The following PRDM6 variants were observed in gnomAD, a reference collection of about 807,000 sequenced individuals.
PRDM6 encodes the protein putative histone-lysine N-methyltransferase PRDM6.
PRDM6 carries 25 observed loss-of-function variants against 60.8 expected under a neutral mutation model. The ratio of observed to expected loss-of-function variants is 0.41; its 90% CI spans 0.30 to 0.57. The LOEUF is 0.57. Among genes scored for constraint, PRDM6 ranks in the 20% least tolerant of loss-of-function variants. PRDM6 has a pLI of 0.27. For synonymous variants in PRDM6, 407 were observed against 357.4 expected (o/e 1.14, Z -1.57); for missense variants, 839 against 821.3 (o/e 1.02, Z -0.26).
intron 3 of PRDM6, among the ~76,000 whole-genome samples, chr5:123,133,368 CT>C (rs1214409736): frequency 6.6e-6 from 1 of 151,950 alleles, no homozygotes; most frequent in Non-Finnish European, 1.5e-5. Flanking sequence ...TAATCTTTTC[CT>C]TTTGGAATTG....
chr5:123,094,338 T>C (rs1324260357), intron 2 of PRDM6, among the ~76,000 whole-genome samples: 1 of 152,098 alleles, frequency 6.6e-6, no homozygotes, highest in East Asian at 1.9e-4. Context: ...CCTTCTGCCC[T>C]GCGCCTCCTC....
intron 3 of PRDM6, among the ~76,000 whole-genome samples, chr5:123,136,276 C>T (rs1315384344): frequency 2.6e-5 from 4 of 152,068 alleles, no homozygotes; most frequent in Admixed American, 1.3e-4. Context: ...TGAATATATT[C>T]TTTGGCATGT....
intron 6 of PRDM6, among the ~76,000 whole-genome samples, chr5:123,171,373 C>A (rs1007606548): frequency 1.3e-5 from 2 of 152,148 alleles, no homozygotes; most frequent in African/African-American, 4.8e-5. Flanking sequence ...ATAGAAGGAA[C>A]GTTTATGAAT....
At chr5:123,120,878 G>T (rs1486656319) in intron 3 of PRDM6, among the ~76,000 whole-genome samples, 2 of 152,188 alleles carry the variant, frequency 1.3e-5, no homozygotes, top group Non-Finnish European at 2.9e-5. Context: ...GGAGCCGTAG[G>T]TTTGGCTTCT....
chr5:123,107,150 C>A (rs1013212788), intron 3 of PRDM6, among the ~76,000 whole-genome samples: 1 of 152,184 alleles, frequency 6.6e-6, no homozygotes, highest in Non-Finnish European at 1.5e-5. Flanking sequence ...GGGTTTTGAT[C>A]ATACGTATAT....
chr5:123,102,976 C>T (rs77468648), intron 3 of PRDM6, among the ~76,000 whole-genome samples: 3,110 of 152,138 alleles, frequency 0.02, 96 homozygotes, highest in African/African-American at 0.071. Flanking sequence ...ATTAGAAGCT[C>T]TATTTTCTTT....
Position 123,090,450 on chromosome 5 carries a change from G to C in PRDM6, c.436G>C (p.Gly146Arg). The C allele has an allele frequency of 2.7e-6, 4 of 1,463,650 alleles. No homozygotes were observed. The highest frequency in any genetic ancestry group is 3.6e-6 in the Non-Finnish European group (4 of 1,116,930). 90.7% of individuals were successfully genotyped at this position (1,463,650 alleles called of 1,614,324 possible). Residue 146 changes from glycine (G) to arginine (R), a missense_variant, in exon 2 of 8, where the codon GGG (glycine) becomes CGG (arginine). Gly to Arg is a moderately radical substitution (Grantham distance 125, BLOSUM62 -2). Transcript: ENST00000407847. ...ELCLGATSGP[G>R]PVKCGGGGGG... ...GTGCCTCGGCGCCACCTCCGGCCCCGGGCCCGTCAAGTGCGGTGGTGGTGG... is the reference window on the plus strand; with the variant it reads ...GTGCCTCGGCGCCACCTCCGGCCCCCGGCCCGTCAAGTGCGGTGGTGGTGG...
intron 3 of PRDM6, among the ~76,000 whole-genome samples, chr5:123,142,880 A>AAAAAAAAAAAAAAAAAAAAAAAAAAAAC: frequency 1.7e-5 from 1 of 59,644 alleles, no homozygotes; most frequent in East Asian, 1.1e-3. Context: ...TGAAGACCAA[A>AAAAAAAAAAAAAAAAAAAAAAAAAAAAC]AAAAAAAAAA....
intron 6 of PRDM6, among the ~76,000 whole-genome samples, chr5:123,174,693 G>A (rs953286460): frequency 6.6e-5 from 10 of 151,944 alleles, no homozygotes; most frequent in African/African-American, 1.7e-4. Flanking sequence ...AAAGAAATCC[G>A]TAGATCCTCA....
At chr5:123,135,634 C>A (rs1326812946) in intron 3 of PRDM6, among the ~76,000 whole-genome samples, 1 of 152,102 alleles carries the variant, frequency 6.6e-6, no homozygotes, top group Non-Finnish European at 1.5e-5. Context: ...GCCCTCTAAG[C>A]CATTAAACTA....
intron 7 of PRDM6, among the ~76,000 whole-genome samples, chr5:123,184,188 TAGAGGCAC>T (rs1275636308): frequency 2.0e-5 from 3 of 152,310 alleles, no homozygotes; most frequent in Admixed American, 6.5e-5. Flanking sequence ...TGGCATATCA[TAGAGGCAC>T]AGAAAGCTTG....
intron 4 of PRDM6, among the ~76,000 whole-genome samples, chr5:123,158,386 CTA>C (rs767402767): frequency 9.2e-5 from 14 of 152,128 alleles, no homozygotes; most frequent in Admixed American, 4.6e-4. Context: ...GTAGCAAGAG[CTA>C]GGCAACTGGC....
chr5:123,110,040 G>A (rs1001757804), intron 3 of PRDM6, among the ~76,000 whole-genome samples: 4 of 152,122 alleles, frequency 2.6e-5, no homozygotes, highest in Non-Finnish European at 5.9e-5. Flanking sequence ...CTGTAAAAAT[G>A]TGTGTGCAGC....
At chr5:123,124,231 C>T (rs531666094) in intron 3 of PRDM6, among the ~76,000 whole-genome samples, 14 of 152,272 alleles carry the variant, frequency 9.2e-5, no homozygotes, top group African/African-American at 3.4e-4. Flanking sequence ...ACAGGAAGAG[C>T]CAATCTGGTG....
intron 6 of PRDM6, among the ~76,000 whole-genome samples, chr5:123,172,126 G>A (rs1463561023): frequency 1.7e-4 from 26 of 151,956 alleles, no homozygotes; most frequent in Non-Finnish European, 5.9e-5. Context: ...GGCTCTCCTC[G>A]CCTAATAATG....
intron 3 of PRDM6, among the ~76,000 whole-genome samples, chr5:123,107,697 G>T (rs1764225982): frequency 6.6e-6 from 1 of 152,214 alleles, no homozygotes; most frequent in Non-Finnish European, 1.5e-5. Flanking sequence ...GTTTAACACA[G>T]TGTTGGGAAT....
At chr5:123,174,191 G>A (rs554138542) in intron 6 of PRDM6, among the ~76,000 whole-genome samples, 17 of 152,300 alleles carry the variant, frequency 1.1e-4, no homozygotes, top group South Asian at 1.0e-3. Flanking sequence ...TTTCCTTTGA[G>A]CATCATGTTG....
At chr5:123,145,165 T>C (rs1174802799) in intron 3 of PRDM6, among the ~76,000 whole-genome samples, 3 of 152,246 alleles carry the variant, frequency 2.0e-5, no homozygotes, top group African/African-American at 7.2e-5. Flanking sequence ...CTTTAAGTCC[T>C]GAGGTCCTTT....
intron 3 of PRDM6, among the ~76,000 whole-genome samples, chr5:123,134,169 C>G (rs1199305155): frequency 2.0e-5 from 3 of 152,070 alleles, no homozygotes; most frequent in Non-Finnish European, 4.4e-5. Flanking sequence ...CGAAATTTAT[C>G]TGAAAAATAA....
Sources: gnomAD v4.1 joint callset for allele counts (sites outside exome capture counted in the v4.1 genomes callset) on GRCh38, gnomAD v4.1.1 for gene constraint, MANE v1.5 for transcripts, NCBI Gene and HGNC (gene_info 2026-07-23, HGNC 2026-07-21) for gene names.